Variants in PHACTR1 observed in about 807,000 individuals in gnomAD.
PHACTR1 encodes the protein RPEL repeat containing 1.
A neutral mutation model predicts 69.2 loss-of-function variants in PHACTR1; 16 were observed. That is an observed-to-expected ratio of 0.23 (90% CI 0.16 to 0.35). The LOEUF (loss-of-function observed/expected upper bound fraction) is 0.35. PHACTR1 is among the 10% of genes least tolerant of loss of function. The pLI, the probability that PHACTR1 is intolerant of heterozygous loss-of-function variation, is 1.00. For missense variants in PHACTR1, 510 were observed against 734.7 expected, an observed-to-expected ratio of 0.69 and a Z score of 3.54; for synonymous variants, 312 against 284.5, an observed-to-expected ratio of 1.10 and a Z score of -0.97.
chr6:12,748,295 T>C (rs1276917979), intron 3 of PHACTR1, among the ~76,000 whole-genome samples: 1 of 152,060 alleles, frequency 6.6e-6, no homozygotes, highest in Non-Finnish European at 1.5e-5. Flanking sequence ...GATTCTAGAA[T>C]GAGAAAAGGC....
chr6:13,133,802 G>A (rs1217404554), intron 5 of PHACTR1, among the ~76,000 whole-genome samples: 8 of 150,978 alleles, frequency 5.3e-5, no homozygotes, highest in Non-Finnish European at 1.5e-5. Context: ...CCCAGTCTGG[G>A]AAGTGAGGAG....
intron 4 of PHACTR1, among the ~76,000 whole-genome samples, chr6:12,850,525 G>C (rs1031359181): frequency 6.6e-6 from 1 of 152,202 alleles, no homozygotes; most frequent in Admixed American, 6.5e-5. Flanking sequence ...TTCCCAGTTG[G>C]GTCTCCAGTA....
intron 4 of PHACTR1, among the ~76,000 whole-genome samples, chr6:12,857,560 G>A (rs781095734): frequency 6.6e-6 from 1 of 150,436 alleles, no homozygotes; most frequent in South Asian, 2.1e-4. Context: ...CTGAGATCGC[G>A]CTACTGCACT....
intron 7 of PHACTR1, chr6:13,185,063 T>C: frequency 8.0e-7 from 1 of 1,254,702 alleles, no homozygotes; most frequent in Admixed American, 2.3e-5. Flanking sequence ...GGGATTTTCT[T>C]TTTCTCTTGT....
intron 4 of PHACTR1, among the ~76,000 whole-genome samples, chr6:12,820,423 G>A (rs114389430): frequency 0.017 from 2,601 of 152,064 alleles, 34 homozygotes; most frequent in Non-Finnish European, 0.028. Context: ...TTCATGATTC[G>A]CCCGCCTCAG....
chr6:13,211,610 G>T (rs929541084), intron 8 of PHACTR1, among the ~76,000 whole-genome samples: 2 of 152,096 alleles, frequency 1.3e-5, no homozygotes, highest in Non-Finnish European at 2.9e-5. Flanking sequence ...ACTTTCAGTC[G>T]CTCATGCCAA....
intron 4 of PHACTR1, among the ~76,000 whole-genome samples, chr6:12,784,329 T>C (rs1043508659): frequency 2.0e-5 from 3 of 150,620 alleles, no homozygotes; most frequent in African/African-American, 7.5e-5. Flanking sequence ...CACATATACA[T>C]GATGACATAT....
chr6:12,769,763 G>T (rs1188570710), intron 4 of PHACTR1, among the ~76,000 whole-genome samples: 3 of 152,162 alleles, frequency 2.0e-5, no homozygotes, highest in Non-Finnish European at 2.9e-5. Flanking sequence ...GAGCCAGCTG[G>T]CTCAGCTGTG....
chr6:12,940,857 A>G (rs1789987512), intron 4 of PHACTR1, among the ~76,000 whole-genome samples: 1 of 152,192 alleles, frequency 6.6e-6, no homozygotes, highest in South Asian at 2.1e-4. Context: ...CTATCTGTTC[A>G]TGACGGATGC....
chr6:13,144,369 G>T (rs1822969201), intron 5 of PHACTR1, among the ~76,000 whole-genome samples: 1 of 152,020 alleles, frequency 6.6e-6, no homozygotes, highest in African/African-American at 2.4e-5. Flanking sequence ...CTGGATACAA[G>T]GTCAATATAT....
intron 8 of PHACTR1, among the ~76,000 whole-genome samples, chr6:13,218,418 G>A (rs1434661758): frequency 2.0e-5 from 3 of 152,184 alleles, no homozygotes; most frequent in Admixed American, 2.0e-4. Context: ...AGATGTCTTG[G>A]CATTCATTCC....
rs1200070056 is a variant in PHACTR1, at chr6:13,035,094, T to C, written c.251-18271T>C. ...TGGCATGATAATATTGTGAATGTAT[T>C]TGAGTTACTCTTGGCTTTGTTAGTC... On this transcript the variant is annotated intron_variant, in intron 4 of 14. Coordinates refer to ENST00000332995, the MANE Select transcript of PHACTR1 (RefSeq NM_030948.6). Among the ~76,000 whole-genome samples the C allele has an allele frequency of 3.9e-5, 6 of 152,344 alleles. No individual in the cohort carries two copies. In the South Asian group the frequency reaches 1.0e-3, roughly 26 times the overall value.
At chr6:12,869,896 G>T (rs1781850024) in intron 4 of PHACTR1, among the ~76,000 whole-genome samples, 1 of 152,150 alleles carries the variant, frequency 6.6e-6, no homozygotes, top group South Asian at 2.1e-4. Flanking sequence ...TTTAGCAATA[G>T]TTCCTGAGCT....
chr6:13,041,480 G>C (rs943629387), intron 4 of PHACTR1, among the ~76,000 whole-genome samples: 1 of 151,844 alleles, frequency 6.6e-6, no homozygotes, highest in African/African-American at 2.4e-5. Context: ...AATGATAAAT[G>C]GCACTGAAAA....
chr6:12,986,551 A>G (rs1220675951), intron 4 of PHACTR1, among the ~76,000 whole-genome samples: 1 of 152,184 alleles, frequency 6.6e-6, no homozygotes, highest in Non-Finnish European at 1.5e-5. Flanking sequence ...GTTTGATGCC[A>G]GTTCTATGCT....
intron 4 of PHACTR1, among the ~76,000 whole-genome samples, chr6:12,752,466 AT>A (rs1766740875): frequency 6.6e-6 from 1 of 152,164 alleles, no homozygotes; most frequent in South Asian, 2.1e-4. Flanking sequence ...CTTATTGTTT[AT>A]TCTTTCCAGA....
At chr6:13,104,046 T>A (rs1227947012) in intron 5 of PHACTR1, among the ~76,000 whole-genome samples, 1 of 152,164 alleles carries the variant, frequency 6.6e-6, no homozygotes, top group Non-Finnish European at 1.5e-5. Context: ...ATCGCACTGC[T>A]GCACTCCAGC....
intron 3 of PHACTR1, among the ~76,000 whole-genome samples, chr6:12,727,233 A>G (rs558978677): frequency 9.2e-5 from 14 of 152,296 alleles, no homozygotes; most frequent in African/African-American, 3.4e-4. Flanking sequence ...GGTGAAAAAG[A>G]CAGTGAAGGC....
At chr6:12,784,914 G>C (rs192864938) in intron 4 of PHACTR1, among the ~76,000 whole-genome samples, 4 of 151,444 alleles carry the variant, frequency 2.6e-5, no homozygotes, top group Non-Finnish European at 5.9e-5. Flanking sequence ...TCTCCATGTC[G>C]ATCAGGCTGG....
Sources: gnomAD v4.1 joint callset for allele counts (sites outside exome capture counted in the v4.1 genomes callset) on GRCh38, gnomAD v4.1.1 for gene constraint, MANE v1.5 for transcripts, NCBI Gene and HGNC (gene_info 2026-07-23, HGNC 2026-07-21) for gene names.